Variants in ABI3BP observed in about 807,000 individuals in gnomAD.
ABI3BP encodes ABI family member 3 binding protein.
A neutral mutation model predicts 268.6 loss-of-function variants in ABI3BP; 216 were observed. The observed-to-expected ratio is 0.80, with a 90% CI of 0.72 to 0.90. The LOEUF (loss-of-function observed/expected upper bound fraction) is 0.90. ABI3BP is among the 40% of genes least tolerant of loss of function. ABI3BP has a pLI of 0.00. For missense variants in ABI3BP, 2,090 were observed against 2,182.4 expected (o/e 0.96, Z 0.84); for synonymous variants, 730 against 730.0 (o/e 1.00, Z 0.00).
chr3:100,949,960 C>A (rs2074229664), intron 1 of ABI3BP, among the ~76,000 whole-genome samples: 1 of 152,154 alleles, frequency 6.6e-6, no homozygotes, highest in African/African-American at 2.4e-5. Context: ...CACCTTTTCT[C>A]CTGTAAAGTA....
chr3:100,811,598 T>C, intron 47 of ABI3BP, 130 bp downstream of exon 47: 1 of 893,736 alleles, frequency 1.1e-6, no homozygotes, highest in South Asian at 1.7e-5. Flanking sequence ...TGTTGGAAGC[T>C]GTAGCTCCTT....
chr3:100,919,718 T>A (rs990764629), intron 2 of ABI3BP, among the ~76,000 whole-genome samples: 21 of 152,248 alleles, frequency 1.4e-4, no homozygotes, highest in African/African-American at 4.1e-4. Flanking sequence ...GCACTTATTT[T>A]TATCTGTTTA....
At chr3:100,931,766 AT>A (rs1181983195) in intron 1 of ABI3BP, among the ~76,000 whole-genome samples, 1 of 152,278 alleles carries the variant, frequency 6.6e-6, no homozygotes, top group African/African-American at 2.4e-5. Context: ...TATTGGTAAA[AT>A]GGCCATACTG....
chr3:100,948,541 G>A (rs775092577), intron 1 of ABI3BP, among the ~76,000 whole-genome samples: 13 of 152,104 alleles, frequency 8.5e-5, no homozygotes, highest in East Asian at 1.9e-4. Context: ...TTTAATTGCC[G>A]CAATTGGCAG....
At chr3:100,908,354 T>G (rs554209319) in intron 2 of ABI3BP, among the ~76,000 whole-genome samples, 2 of 152,276 alleles carry the variant, frequency 1.3e-5, no homozygotes, top group South Asian at 4.1e-4. Context: ...ATAACTGAGT[T>G]GAATTTCCCA....
intron 9 of ABI3BP, among the ~76,000 whole-genome samples, chr3:100,870,603 T>C (rs1204708696): frequency 4.6e-5 from 7 of 152,186 alleles, no homozygotes; most frequent in Admixed American, 4.6e-4. Flanking sequence ...GGTGGAAATG[T>C]AAATTGGTGC....
chr3:100,788,918 T>C (rs1422434221), intron 56 of ABI3BP, among the ~76,000 whole-genome samples: 1 of 152,072 alleles, frequency 6.6e-6, no homozygotes, highest in African/African-American at 2.4e-5. Flanking sequence ...GCAAGTTAAC[T>C]TTTTTTCTGA....
intron 66 of ABI3BP, 159 bp downstream of exon 66, chr3:100,752,628 A>G (rs548954425): frequency 2.9e-6 from 2 of 679,098 alleles, no homozygotes; most frequent in Admixed American, 2.9e-5. Flanking sequence ...CTTGCTTTCT[A>G]GGAATGATAA....
rs771929857 is a variant in ABI3BP at position 100,866,836 on chromosome 3, AT to A, written c.988+42del. On this transcript the variant is annotated intron_variant, in intron 10 of 67. Coordinates refer to ENST00000471714, the MANE Select transcript of ABI3BP (RefSeq NM_001375547.2). ...TGCAGATTAGTATTTGAAAAAAAGC[AT>A]TTTTTCTTTTCTCAAGGTCAACAAC... is the stretch of plus-strand genomic sequence containing the variant. The A allele has an allele frequency of 1.4e-5, 22 of 1,538,552 alleles. No homozygotes were observed. The African/African-American group carries it at 3.0e-4, about 21-fold the overall frequency.
intron 14 of ABI3BP, among the ~76,000 whole-genome samples, chr3:100,858,874 C>A (rs540452190): frequency 4.3e-4 from 65 of 152,312 alleles, no homozygotes; most frequent in African/African-American, 1.5e-3. Flanking sequence ...ACATTACCCT[C>A]CCCACCTTCT....
chr3:100,862,116 G>T (rs1048935134), intron 14 of ABI3BP, among the ~76,000 whole-genome samples, 195 bp downstream of exon 14: 1 of 152,164 alleles, frequency 6.6e-6, no homozygotes, highest in African/African-American at 2.4e-5. Context: ...ATTAGAACAG[G>T]TGTCTTTAAA....
chr3:100,796,494 T>C lies in ABI3BP; in HGVS notation c.3758-26A>G. Reference sequence around the variant, plus strand: ...CTGAAAGAAAAAGATTATAAAACACTGCATACTCTAAATAACCCAACTGGA... The same window carrying C: ...CTGAAAGAAAAAGATTATAAAACACCGCATACTCTAAATAACCCAACTGGA... On this transcript the variant is annotated intron_variant, in intron 51 of 67. Coordinates refer to ENST00000471714, the MANE Select transcript of ABI3BP (RefSeq NM_001375547.2). 2.6e-6 allele frequency: 4 copies of C among 1,566,208 alleles called. No homozygotes were observed. The East Asian group carries it at 6.8e-5, about 27-fold the overall frequency.
At chr3:100,807,821 AG>A (rs1280543881) in intron 50 of ABI3BP, among the ~76,000 whole-genome samples, 1 of 152,062 alleles carries the variant, frequency 6.6e-6, no homozygotes, top group Non-Finnish European at 1.5e-5. Context: ...GATTGGCAGA[AG>A]GAAGCACATT....
At chr3:100,877,231 G>T (rs1051766978) in intron 6 of ABI3BP, among the ~76,000 whole-genome samples, 1 of 152,148 alleles carries the variant, frequency 6.6e-6, no homozygotes, top group Non-Finnish European at 1.5e-5. Context: ...CTCTCAAAAA[G>T]ATGCTAAGCT....
Position 100,875,580 on chromosome 3 carries a change from C to T in ABI3BP, c.746-1G>A. 1 of 1,611,264 alleles carries T rather than the reference C, an allele frequency of 6.2e-7. No homozygotes were observed. The highest frequency in any genetic ancestry group is 8.5e-7 in the Non-Finnish European group (1 of 1,177,518). Reference sequence around the variant, plus strand: ...TCCTTGTGAGTAACATTCTGAATCACTGTTGAAATACAAAAAGACAGTGTG... The same window carrying T: ...TCCTTGTGAGTAACATTCTGAATCATTGTTGAAATACAAAAAGACAGTGTG... On this transcript the variant is annotated splice_acceptor_variant, in intron 7 of 67. Transcript: ENST00000471714. LOFTEE classifies it high-confidence loss of function.
At chr3:100,761,050 C>A (rs1372278691) in intron 63 of ABI3BP, among the ~76,000 whole-genome samples, 1 of 152,054 alleles carries the variant, frequency 6.6e-6, no homozygotes, top group Non-Finnish European at 1.5e-5. Context: ...TTCAGTGGAC[C>A]CCAGTGTCTG....
At chr3:100,853,128 T>A (rs1248182901) in intron 14 of ABI3BP, among the ~76,000 whole-genome samples, 1 of 152,224 alleles carries the variant, frequency 6.6e-6, no homozygotes, top group Non-Finnish European at 1.5e-5. Flanking sequence ...TGACATCCTC[T>A]GAAAGTAGAC....
chr3:100,940,259 G>C (rs927804269), intron 1 of ABI3BP, among the ~76,000 whole-genome samples: 1 of 152,056 alleles, frequency 6.6e-6, no homozygotes, highest in Non-Finnish European at 1.5e-5. Context: ...GATTGGGGAA[G>C]TGATAAGTGT....
At chr3:100,867,535 G>A (rs1419744297) in intron 9 of ABI3BP, among the ~76,000 whole-genome samples, 1 of 150,692 alleles carries the variant, frequency 6.6e-6, no homozygotes, top group African/African-American at 2.4e-5. Context: ...CAGCTACTCT[G>A]GAGGCTGAGG....
Sources: gnomAD v4.1 joint callset for allele counts (sites outside exome capture counted in the v4.1 genomes callset) on GRCh38, gnomAD v4.1.1 for gene constraint, MANE v1.5 for transcripts, NCBI Gene and HGNC (gene_info 2026-07-23, HGNC 2026-07-21) for gene names.